Variants in ZFAND4 observed in about 807,000 individuals in gnomAD.
ZFAND4 encodes zinc finger AN1-type containing 4, also known as AN1-type zinc finger protein 4.
In ZFAND4, 43 loss-of-function variants were observed where a neutral mutation model predicts 64.4. That is an observed-to-expected ratio of 0.67 (90% CI 0.52 to 0.86). ZFAND4 has a LOEUF of 0.86. ZFAND4 is among the 40% of genes least tolerant of loss of function. The probability of loss-of-function intolerance (pLI) is 0.00; values close to 1 mark genes in which losing one functional copy is unlikely to be tolerated. For missense variants in ZFAND4, 929 were observed against 859.8 expected, an observed-to-expected ratio of 1.08 and a Z score of -1.01; for synonymous variants, 296 against 305.7, an observed-to-expected ratio of 0.97 and a Z score of 0.33.
At chr10:45,634,617 C>A (rs1024938883) in intron 6 of ZFAND4, among the ~76,000 whole-genome samples, 6 of 151,372 alleles carry the variant, frequency 4.0e-5, no homozygotes, top group African/African-American at 1.5e-4. Flanking sequence ...CATCAGGAAC[C>A]CTAAATGAAA....
chr10:45,644,239 T>G (rs546696109), intron 5 of ZFAND4, among the ~76,000 whole-genome samples: 24 of 152,362 alleles, frequency 1.6e-4, no homozygotes, highest in Admixed American at 1.5e-3. Context: ...AAAAGTAGAC[T>G]TCAAATGTTG....
At position 45,640,779 on chromosome 10, in the gene ZFAND4, C is replaced by T. The variant is rs569736952; in HGVS notation, c.570-816G>A. On this transcript the variant is annotated intron_variant, in intron 5 of 9. Transcript: ENST00000344646. The stretch of plus-strand genomic sequence containing the variant: ...TGCTGGGATTGTAGGTGTGAGCCAC[C>T]GCGCCCAGCCAATACATTTTTTTAA... Among the ~76,000 whole-genome samples, 6 of 152,208 alleles carry T rather than the reference C, an allele frequency of 3.9e-5. No individual in the cohort carries two copies. The East Asian group carries it at 7.7e-4, about 20-fold the overall frequency.
At position 45,616,487 on chromosome 10, in the gene ZFAND4, G is replaced by C. The variant is rs1427860113; in HGVS notation, c.2133C>G (p.Tyr711Ter). The stretch of plus-strand genomic sequence containing the variant: ...TAACCACAGGATTTGCCTCGTGCAA[G>C]TATCTCCTCCCTGCACTCTTGTAAT... ...TYDYKSAGRR[Y>*]LHEANPVVNA... Residue 711 changes from tyrosine (Y) to a stop codon, truncating the protein, a stop_gained, in exon 10 of 10, where the codon TAC becomes TAG. Transcript: ENST00000344646. LOFTEE classifies it high-confidence loss of function. 1.9e-6 allele frequency: 3 copies of C among 1,614,222 alleles called. No homozygotes were observed. Among genetic ancestry groups the C allele is most frequent in the East Asian group, 4.5e-5 (2 of 44,886 alleles).
intron 2 of ZFAND4, among the ~76,000 whole-genome samples, chr10:45,655,520 G>C (rs994701172): frequency 1.3e-5 from 2 of 151,930 alleles, no homozygotes; most frequent in African/African-American, 4.8e-5. Context: ...AAAGATCAGA[G>C]CAGAACTAAA....
Position 45,664,786 on chromosome 10 carries a change from C to A in ZFAND4, c.-117-944G>T, listed in dbSNP as rs1004440322. ...ACTAAAAATACAAGAAAAAAATGAG[C>A]TGGGCGTGGCGGTGTCTGCCTGTAG... is the stretch of plus-strand genomic sequence containing the variant. On this transcript the variant is annotated intron_variant, in intron 1 of 9. Coordinates refer to ENST00000344646, the MANE Select transcript of ZFAND4 (RefSeq NM_174890.4). 2.0e-5 allele frequency among the ~76,000 whole-genome samples: 3 copies of A among 151,798 alleles called. No homozygotes were observed. The South Asian group carries it at 6.2e-4, about 32-fold the overall frequency.
At position 45,648,490 on chromosome 10, in the gene ZFAND4, A is replaced by T; in HGVS notation, c.373T>A (p.Ser125Thr). Residue 125 changes from serine (S) to threonine (T), a missense_variant, in exon 5 of 10, where the codon TCC becomes ACC. By Grantham distance (58) the Ser-to-Thr change is moderately conservative. Transcript: ENST00000344646. Reference protein sequence around the residue: ...PLRKMAEYLDSSRVEVWEKTS... With the variant: ...PLRKMAEYLDTSRVEVWEKTS... ...TTCTCCCAGACCTCAACTCGACTGG[A>T]ATCCAAGTACTCTGCCATCTTCCTA... 5 of 1,613,836 alleles carry T rather than the reference A, an allele frequency of 3.1e-6. No individual in the cohort carries two copies. Among genetic ancestry groups the T allele is most frequent in the Non-Finnish European group, 4.2e-6 (5 of 1,179,884 alleles).
chr10:45,656,940 C>T (rs1428135112), intron 2 of ZFAND4, among the ~76,000 whole-genome samples: 1 of 152,066 alleles, frequency 6.6e-6, no homozygotes. Flanking sequence ...GACTTCCCAG[C>T]TCCAGAACCG....
At chr10:45,653,999 A>G (rs986823103) in intron 2 of ZFAND4, among the ~76,000 whole-genome samples, 1 of 152,222 alleles carries the variant, frequency 6.6e-6, no homozygotes, top group Non-Finnish European at 1.5e-5. Flanking sequence ...TAAAAAGAAT[A>G]AAATCATGTC....
At chr10:45,665,558 G>A (rs2133866861) in intron 1 of ZFAND4, among the ~76,000 whole-genome samples, 1 of 151,952 alleles carries the variant, frequency 6.6e-6, no homozygotes, top group East Asian at 1.9e-4. Context: ...GAAAAAAAAA[G>A]CTTTATTGAA....
chr10:45,618,084 C>T, intron 9 of ZFAND4, 56 bp downstream of exon 9: 1 of 1,556,612 alleles, frequency 6.4e-7, no homozygotes, highest in Non-Finnish European at 8.6e-7. Context: ...TTGCATAATC[C>T]CCAAGCTGGG....
At chr10:45,655,783 A>T (rs116987522) in intron 2 of ZFAND4, among the ~76,000 whole-genome samples, 1 of 152,338 alleles carries the variant, frequency 6.6e-6, no homozygotes, top group Non-Finnish European at 1.5e-5. Flanking sequence ...AATTCCTAGA[A>T]ACATACAATC....
chr10:45,672,485 G>C lies in ZFAND4; in HGVS notation c.-353C>G, dbSNP rs2049265686. On this transcript the variant is annotated 5_prime_UTR_variant, in exon 1 of 10. Coordinates refer to ENST00000344646, the MANE Select transcript of ZFAND4 (RefSeq NM_174890.4). ...GGCCCGCCGCTCCGGTCCCCGGGCA[G>C]CAGCGGCCGGCGTCAGGCCGCAAGG... 1 of 152,372 alleles carries C rather than the reference G, an allele frequency of 6.6e-6. No homozygotes were observed. The highest frequency in any genetic ancestry group is 2.4e-5 in the African/African-American group (1 of 41,472). The allele number at this position is 152,372 out of a possible 1,614,324, so 9.4% of individuals were successfully genotyped here. A position where few individuals can be genotyped will look rare whatever the true frequency, so the allele number is the denominator to read the frequency against.
intron 5 of ZFAND4, 63 bp from the exon 6 acceptor site, chr10:45,640,026 C>G (rs2046878374): frequency 3.3e-6 from 5 of 1,515,998 alleles, no homozygotes; most frequent in Middle Eastern, 4.8e-4. Flanking sequence ...TAAAAATGCT[C>G]TATATGAAAC....
At chr10:45,659,716 C>G (rs2048344838) in intron 2 of ZFAND4, among the ~76,000 whole-genome samples, 1 of 151,886 alleles carries the variant, frequency 6.6e-6, no homozygotes, top group Non-Finnish European at 1.5e-5. Context: ...GCTAAGAAAT[C>G]TAATGGAAAA....
At position 45,663,819 on chromosome 10, in the gene ZFAND4, T is replaced by C. The variant is rs527441620; in HGVS notation, c.-94A>G. On this transcript the variant is annotated 5_prime_UTR_variant, in exon 2 of 10. Transcript: ENST00000344646. ...GTTTGAAGATTGGTAATATATATTG[T>C]TGTTCATGTTTTGAGTTTTGTACCT... is the stretch of plus-strand genomic sequence containing the variant. 1.6e-4 allele frequency: 172 copies of C among 1,089,448 alleles called. 2 individuals are homozygous for C. The African/African-American group carries it at 2.6e-3, about 17-fold the overall frequency. The allele number at this position is 1,089,448 out of a possible 1,614,324, so 67.5% of individuals were successfully genotyped here.
At chr10:45,641,857 C>T (rs1446111569) in intron 5 of ZFAND4, among the ~76,000 whole-genome samples, 4 of 152,176 alleles carry the variant, frequency 2.6e-5, no homozygotes, top group Non-Finnish European at 5.9e-5. Flanking sequence ...TGATTTGGCT[C>T]AAGATCAGAA....
At chr10:45,665,156 C>G (rs889768829) in intron 1 of ZFAND4, among the ~76,000 whole-genome samples, 2 of 152,092 alleles carry the variant, frequency 1.3e-5, no homozygotes, top group Non-Finnish European at 2.9e-5. Flanking sequence ...TGCTATTAAT[C>G]GTGAAAACTC....
Position 45,623,796 on chromosome 10 carries a change from G to A in ZFAND4, c.1927+787C>T, listed in dbSNP as rs529751917. Among the ~76,000 whole-genome samples the A allele has an allele frequency of 2.3e-3, 350 of 152,160 alleles. 2 individuals carry two copies. Among genetic ancestry groups the A allele is most frequent in the African/African-American group, 8.1e-3 (335 of 41,518 alleles). On this transcript the variant is annotated intron_variant, in intron 8 of 9. Coordinates refer to ENST00000344646, the MANE Select transcript of ZFAND4 (RefSeq NM_174890.4). Reference sequence around the variant, plus strand: ...TTTATGTTATGTTTATTTTACCACAGTACAAAATAATTGAAAAAATGTGCA... The same window carrying A: ...TTTATGTTATGTTTATTTTACCACAATACAAAATAATTGAAAAAATGTGCA...
intron 4 of ZFAND4, chr10:45,650,767 A>C (rs2047708964): frequency 6.6e-6 from 1 of 152,158 alleles, no homozygotes; most frequent in African/African-American, 2.4e-5. Context: ...GTGCTACTTC[A>C]AGAGTTATTA....
Sources: gnomAD v4.1 joint callset for allele counts (sites outside exome capture counted in the v4.1 genomes callset) on GRCh38, gnomAD v4.1.1 for gene constraint, MANE v1.5 for transcripts, NCBI Gene and HGNC (gene_info 2026-07-23, HGNC 2026-07-21) for gene names.